Variants in CDH23 observed in about 807,000 individuals in gnomAD.
CDH23 encodes cadherin-23.
A neutral mutation model predicts 317.1 loss-of-function variants in CDH23; 189 were observed. That is an observed-to-expected ratio of 0.60 (90% CI 0.53 to 0.67). The LOEUF (loss-of-function observed/expected upper bound fraction) is 0.67. Among genes scored for constraint, CDH23 ranks in the 30% least tolerant of loss-of-function variants. The pLI is 0.00. For missense variants in CDH23, 4,401 were observed against 4,592.4 expected, an observed-to-expected ratio of 0.96 and a Z score of 1.20; for synonymous variants, 1,839 against 1,876.8, an observed-to-expected ratio of 0.98 and a Z score of 0.52.
At chr10:71,582,077 G>A (rs1406597374) in intron 9 of CDH23, among the ~76,000 whole-genome samples, 1 of 152,214 alleles carries the variant, frequency 6.6e-6, no homozygotes, top group Non-Finnish European at 1.5e-5. Context: ...ACTCTAAAGG[G>A]CCATAAAATA....
intron 28 of CDH23, chr10:71,713,930 G>A (rs1459587893): frequency 6.5e-6 from 1 of 153,138 alleles, no homozygotes; most frequent in Non-Finnish European, 1.5e-5. Context: ...GAGCAGGAAG[G>A]GAGGAAGGAA....
At chr10:71,516,399 G>A (rs915055452) in intron 6 of CDH23, among the ~76,000 whole-genome samples, 5 of 152,176 alleles carry the variant, frequency 3.3e-5, no homozygotes, top group African/African-American at 4.8e-5. Flanking sequence ...CCGAAGCCAC[G>A]CCTCCTGGCC....
In CDH23 at chr10:71,793,606, C is replaced by T. The variant is rs372120764; in HGVS notation, c.6678C>T (p.Asn2226=). 191 of 1,604,364 alleles carry T rather than the reference C, an allele frequency of 1.2e-4. No individual in the cohort carries two copies. Among genetic ancestry groups the T allele is most frequent in the Admixed American group, 1.7e-4 (10 of 59,696 alleles). Residue 2226 remains asparagine (N), a synonymous_variant, in exon 48 of 70, where the codon AAC becomes AAT. Coordinates refer to ENST00000224721, the MANE Select transcript of CDH23 (RefSeq NM_022124.6). ...ACGACACTGATCGCCTGGTGCCCAACCAGGAGGACGCCTTTGCTGTGAATA... is the reference window on the plus strand; with the variant it reads ...ACGACACTGATCGCCTGGTGCCCAATCAGGAGGACGCCTTTGCTGTGAATA... ...AKDDTDRLVP[N]QEDAFAVNIN... is the part of the protein sequence containing the mutation.
intron 1 of CDH23, among the ~76,000 whole-genome samples, chr10:71,403,457 C>CT (rs1266032212): frequency 2.8e-4 from 6 of 21,606 alleles, no homozygotes; most frequent in African/African-American, 2.2e-3. Flanking sequence ...TCCTTCCTTT[C>CT]CTTCCTTCCT....
At chr10:71,423,747 C>G (rs914411392) in intron 1 of CDH23, among the ~76,000 whole-genome samples, 3 of 152,138 alleles carry the variant, frequency 2.0e-5, no homozygotes, top group Non-Finnish European at 4.4e-5. Context: ...TTCATTTTCA[C>G]CATTTGGAAA....
At chr10:71,630,253 C>G (rs1414750828) in intron 11 of CDH23, among the ~76,000 whole-genome samples, 2 of 152,102 alleles carry the variant, frequency 1.3e-5, no homozygotes, top group Non-Finnish European at 2.9e-5. Flanking sequence ...AACCCCTGGC[C>G]TCATAAGATC....
intron 19 of CDH23, among the ~76,000 whole-genome samples, chr10:71,690,219 T>C (rs752624887): frequency 7.9e-5 from 12 of 152,026 alleles, no homozygotes; most frequent in Non-Finnish European, 1.6e-4. Flanking sequence ...GCCCAGTCCA[T>C]CCCTAAGCCT....
At chr10:71,712,029 G>A (rs1029413793) in intron 27 of CDH23, 7 of 152,176 alleles carry the variant, frequency 4.6e-5, no homozygotes, top group Non-Finnish European at 7.3e-5. Context: ...TGTCGGCAGG[G>A]TCACGCTTCC....
chr10:71,644,848 G>A (rs933539584), intron 12 of CDH23, among the ~76,000 whole-genome samples: 3 of 152,250 alleles, frequency 2.0e-5, no homozygotes, highest in African/African-American at 7.2e-5. Flanking sequence ...AGGTCAGAAG[G>A]AGGCTCTTAC....
At chr10:71,689,218 A>T (rs200592660) in intron 19 of CDH23, among the ~76,000 whole-genome samples, 2,207 of 90,712 alleles carry the variant, frequency 0.024, 445 homozygotes, top group Middle Eastern at 0.055. Context: ...GGAGTCAGGG[A>T]TGGTGGAGTC....
chr10:71,807,428 G>A (rs1841763542), intron 58 of CDH23, 22 bp downstream of exon 58: 1 of 1,613,442 alleles, frequency 6.2e-7, no homozygotes, highest in Non-Finnish European at 8.5e-7. Flanking sequence ...CAGAGCTAGT[G>A]CCCTGATTAC....
At chr10:71,419,010 G>C (rs1443135950) in intron 1 of CDH23, among the ~76,000 whole-genome samples, 1 of 152,170 alleles carries the variant, frequency 6.6e-6, no homozygotes, top group Admixed American at 6.5e-5. Context: ...TACATTTTTA[G>C]CTTTGTTTTT....
At chr10:71,511,507 T>C (rs1853985339) in intron 6 of CDH23, among the ~76,000 whole-genome samples, 1 of 141,008 alleles carries the variant, frequency 7.1e-6, no homozygotes, top group Non-Finnish European at 1.5e-5. Context: ...AAGCAGGTGT[T>C]GCACCCTCTT....
chr10:71,791,361 C>A (rs1303970624), intron 47 of CDH23, 26 bp downstream of exon 47: 2 of 1,599,864 alleles, frequency 1.3e-6, no homozygotes, highest in Admixed American at 3.4e-5. Flanking sequence ...GCCCCAGCAC[C>A]CCACAACCAG....
intron 22 of CDH23, 36 bp from the exon 23 acceptor site, chr10:71,701,986 G>T (rs773140611): frequency 6.2e-7 from 1 of 1,607,256 alleles, no homozygotes. Flanking sequence ...CTCCCCAGGC[G>T]CGGCTCAGTG....
At chr10:71,789,149 C>T (rs1841177794) in intron 45 of CDH23, 107 bp downstream of exon 45, 2 of 644,946 alleles carry the variant, frequency 3.1e-6, no homozygotes, top group Admixed American at 5.0e-5. Context: ...AACCTAGACC[C>T]CAGTGGGTGC....
At chr10:71,438,400 AATCT>A (rs1191186812) in intron 1 of CDH23, among the ~76,000 whole-genome samples, 1 of 152,028 alleles carries the variant, frequency 6.6e-6, no homozygotes, top group East Asian at 1.9e-4. Context: ...AAAGGAAAAG[AATCT>A]TTTATTCTTC....
chr10:71,649,542 G>C (rs933353414), intron 14 of CDH23, among the ~76,000 whole-genome samples: 2 of 152,072 alleles, frequency 1.3e-5, no homozygotes, highest in Non-Finnish European at 1.5e-5. Context: ...TCCTAGCAGG[G>C]GTGGAAGGGC....
At chr10:71,779,476 C>G (rs1405746594) in intron 41 of CDH23, 29 bp downstream of exon 41, 1 of 1,569,366 alleles carries the variant, frequency 6.4e-7, no homozygotes. Context: ...ATGCCACCCA[C>G]AGGGTCTCAC....
Sources: gnomAD v4.1 joint callset for allele counts (sites outside exome capture counted in the v4.1 genomes callset) on GRCh38, gnomAD v4.1.1 for gene constraint, MANE v1.5 for transcripts, NCBI Gene and HGNC (gene_info 2026-07-23, HGNC 2026-07-21) for gene names.